The following MACROD2 variants were observed in gnomAD, a reference collection of about 807,000 sequenced individuals.
The protein encoded by MACROD2 is ADP-ribose glycohydrolase MACROD2.
In MACROD2, 36 loss-of-function variants were observed where a neutral mutation model predicts 70.4. The observed-to-expected ratio is 0.51, with a 90% CI of 0.39 to 0.68. The LOEUF is 0.68. Among genes scored for constraint, MACROD2 ranks in the 30% least tolerant of loss-of-function variants. The probability of loss-of-function intolerance (pLI) is 0.00; values close to 1 mark genes in which losing one functional copy is unlikely to be tolerated. For missense variants in MACROD2, 496 were observed against 538.4 expected, an observed-to-expected ratio of 0.92 and a Z score of 0.78; for synonymous variants, 172 against 178.8, an observed-to-expected ratio of 0.96 and a Z score of 0.30.
chr20:15,184,847 T>C (rs992024099), intron 5 of MACROD2, among the ~76,000 whole-genome samples: 3 of 152,168 alleles, frequency 2.0e-5, no homozygotes, highest in African/African-American at 7.2e-5. Flanking sequence ...TTCCATTCAA[T>C]TAATATATGT....
At chr20:14,541,216 G>C (rs1292856804) in intron 4 of MACROD2, among the ~76,000 whole-genome samples, 1 of 152,108 alleles carries the variant, frequency 6.6e-6, no homozygotes, top group African/African-American at 2.4e-5. Context: ...TAGGTACTCT[G>C]AAAGGGGAGC....
intron 8 of MACROD2, among the ~76,000 whole-genome samples, chr20:15,665,636 A>G (rs928408745): frequency 2.6e-5 from 4 of 152,210 alleles, no homozygotes; most frequent in African/African-American, 9.6e-5. Context: ...CCCATCCTAA[A>G]TCAAGCAGAA....
chr20:14,516,623 G>T (rs1352835785), intron 4 of MACROD2, among the ~76,000 whole-genome samples: 1 of 152,058 alleles, frequency 6.6e-6, no homozygotes, highest in African/African-American at 2.4e-5. Context: ...GATGTGTGGT[G>T]TTATTTCTGA....
intron 3 of MACROD2, among the ~76,000 whole-genome samples, chr20:14,439,982 G>T (rs922131214): frequency 6.6e-6 from 1 of 152,070 alleles, no homozygotes; most frequent in African/African-American, 2.4e-5. Context: ...TTCCAAACAA[G>T]AGGCCACAGT....
At position 14,646,997 on chromosome 20, in the gene MACROD2, G is replaced by A. The variant is rs1894176231; in HGVS notation, c.302-37846G>A. Among the ~76,000 whole-genome samples, 4 of 152,146 alleles carry A rather than the reference G, an allele frequency of 2.6e-5. 1 individual carries two copies. The South Asian group carries it at 8.3e-4, about 32-fold the overall frequency. ...TCCACACATCTGAATATTTGCTGCCGACCTTCTTGATGATCCGTCTGTTAA... is the reference window on the plus strand; with the variant it reads ...TCCACACATCTGAATATTTGCTGCCAACCTTCTTGATGATCCGTCTGTTAA... On this transcript the variant is annotated intron_variant, in intron 4 of 17. Transcript: ENST00000684519.
intron 3 of MACROD2, among the ~76,000 whole-genome samples, chr20:14,368,738 C>T (rs2083296459): frequency 6.6e-6 from 1 of 151,900 alleles, no homozygotes; most frequent in Non-Finnish European, 1.5e-5. Context: ...GGTCTCTGTT[C>T]CTTTAGCCTT....
intron 8 of MACROD2, among the ~76,000 whole-genome samples, chr20:15,660,071 C>T (rs1361902440): frequency 2.0e-5 from 3 of 151,934 alleles, no homozygotes; most frequent in Admixed American, 6.6e-5. Context: ...CATACAGTCA[C>T]ATAAAAGTGA....
chr20:15,207,570 G>A (rs1276417355), intron 5 of MACROD2, among the ~76,000 whole-genome samples: 1 of 150,470 alleles, frequency 6.6e-6, no homozygotes, highest in Non-Finnish European at 1.5e-5. Flanking sequence ...AGCCTCCCGA[G>A]TAGCTGGGAC....
At chr20:15,661,500 G>T (rs1443799616) in intron 8 of MACROD2, among the ~76,000 whole-genome samples, 1 of 152,180 alleles carries the variant, frequency 6.6e-6, no homozygotes, top group Admixed American at 6.5e-5. Context: ...TCTCTCGAGA[G>T]TGAAAAGTCA....
At chr20:14,207,590 A>T (rs1268993534) in intron 3 of MACROD2, among the ~76,000 whole-genome samples, 1 of 152,202 alleles carries the variant, frequency 6.6e-6, no homozygotes, top group Non-Finnish European at 1.5e-5. Flanking sequence ...TTCTGTGAGG[A>T]ATTCCTTGTG....
At chr20:14,106,545 C>T (rs983859374) in intron 3 of MACROD2, among the ~76,000 whole-genome samples, 2 of 152,158 alleles carry the variant, frequency 1.3e-5, no homozygotes, top group Admixed American at 1.3e-4. Context: ...GGCTTTGCCA[C>T]CTGCTGATTG....
At chr20:15,453,469 C>T (rs979767944) in intron 7 of MACROD2, among the ~76,000 whole-genome samples, 2 of 152,260 alleles carry the variant, frequency 1.3e-5, no homozygotes, top group Admixed American at 6.5e-5. Flanking sequence ...CAGGTTAAAA[C>T]GCTTGTACAC....
At chr20:15,579,709 T>G (rs1391558571) in intron 8 of MACROD2, among the ~76,000 whole-genome samples, 1 of 152,244 alleles carries the variant, frequency 6.6e-6, no homozygotes, top group Non-Finnish European at 1.5e-5. Flanking sequence ...GCATACAGTG[T>G]AGTCAGATTT....
chr20:14,517,489 A>G (rs1413756397), intron 4 of MACROD2, among the ~76,000 whole-genome samples: 3 of 152,156 alleles, frequency 2.0e-5, no homozygotes, highest in Non-Finnish European at 4.4e-5. Context: ...TTGAGCAATG[A>G]GAACACGTGG....
chr20:15,325,063 C>T (rs913895312), intron 6 of MACROD2, among the ~76,000 whole-genome samples: 1 of 152,108 alleles, frequency 6.6e-6, no homozygotes, highest in Non-Finnish European at 1.5e-5. Flanking sequence ...GTAGCAGAGA[C>T]AGGGTAGTCA....
At chr20:14,539,904 C>T (rs1600359919) in intron 4 of MACROD2, among the ~76,000 whole-genome samples, 1 of 152,134 alleles carries the variant, frequency 6.6e-6, no homozygotes, top group Non-Finnish European at 1.5e-5. Flanking sequence ...GATGTAATGG[C>T]AGCTGTGGCC....
chr20:15,609,223 G>A (rs183879056), intron 8 of MACROD2, among the ~76,000 whole-genome samples: 209 of 152,278 alleles, frequency 1.4e-3, no homozygotes, highest in Admixed American at 3.8e-3. Context: ...CTTGAACAGA[G>A]GGAAGGAAAG....
At chr20:15,591,586 T>TAAAAAAAAAAAAAAAA (rs11471295) in intron 8 of MACROD2, among the ~76,000 whole-genome samples, 1 of 65,112 alleles carries the variant, frequency 1.5e-5, no homozygotes, top group African/African-American at 7.1e-5. Flanking sequence ...AAGCCAGTAC[T>TAAAAAAAAAAAAAAAA]AAAAAAAAAA....
chr20:14,501,361 T>C (rs1368806349), intron 4 of MACROD2, among the ~76,000 whole-genome samples: 1 of 152,082 alleles, frequency 6.6e-6, no homozygotes, highest in Non-Finnish European at 1.5e-5. Flanking sequence ...TCCTTTTTCA[T>C]AGTTTGATTT....
Sources: gnomAD v4.1 joint callset for allele counts (sites outside exome capture counted in the v4.1 genomes callset) on GRCh38, gnomAD v4.1.1 for gene constraint, MANE v1.5 for transcripts, NCBI Gene and HGNC (gene_info 2026-07-23, HGNC 2026-07-21) for gene names.